ARMC9: variants seen among roughly 807,000 people sequenced by gnomAD.
ARMC9 encodes lisH domain-containing protein ARMC9.
A neutral mutation model predicts 107.0 loss-of-function variants in ARMC9; 94 were observed. The ratio of observed to expected loss-of-function variants is 0.88; its 90% CI spans 0.74 to 1.04. The LOEUF is 1.04. Among genes scored for constraint, ARMC9 ranks in the 50% least tolerant of loss-of-function variants. The pLI is 0.00. For missense variants in ARMC9, 942 were observed against 1,030.1 expected (o/e 0.91, Z 1.17); for synonymous variants, 380 against 396.9 (o/e 0.96, Z 0.51).
rs1315105820 is a variant in ARMC9, at chr2:231,276,757, C to G, written c.1456C>G (p.Leu486Val). 1 of 1,614,160 alleles carries G rather than the reference C, an allele frequency of 6.2e-7. No homozygotes were observed. Among genetic ancestry groups the G allele is most frequent in the Non-Finnish European group, 8.5e-7 (1 of 1,180,046 alleles). ...LEYSVALLMNLCLRSTGKNMC... is the reference protein window; with the variant it reads ...LEYSVALLMNVCLRSTGKNMC... Reference sequence around the variant, plus strand: ...GTACTCGGTGGCTTTGCTCATGAACCTCTGCCTCCGCAGCACAGGTCTCAG... The same window carrying G: ...GTACTCGGTGGCTTTGCTCATGAACGTCTGCCTCCGCAGCACAGGTCTCAG... The change falls in exon 15 of 25, where the codon CTC becomes GTC. Residue 486 changes from leucine to valine, a missense_variant. Coordinates refer to ENST00000611582, the MANE Select transcript of ARMC9 (RefSeq NM_001352754.2).
chr2:231,230,182 T>C (rs1309894807), intron 7 of ARMC9, among the ~76,000 whole-genome samples: 2 of 151,944 alleles, frequency 1.3e-5, no homozygotes, highest in Admixed American at 6.6e-5. Context: ...GCCAACATAG[T>C]GAGACCCTAT....
At chr2:231,286,308 G>A (rs1559407333) in intron 17 of ARMC9, among the ~76,000 whole-genome samples, 1 of 152,156 alleles carries the variant, frequency 6.6e-6, no homozygotes, top group Non-Finnish European at 1.5e-5. Flanking sequence ...TAGAGACGGG[G>A]TTTCACCGTG....
chr2:231,291,249 C>G lies in ARMC9; in HGVS notation c.1627-104C>G, dbSNP rs530779035. On this transcript the variant is annotated intron_variant, in intron 17 of 24. Coordinates refer to ENST00000611582, the MANE Select transcript of ARMC9 (RefSeq NM_001352754.2). Reference sequence around the variant, plus strand: ...CCCCCACCCAAGGTATCCTCTTCCTCTCCCCAAAACATTATTTTTTGGATT... The same window carrying G: ...CCCCCACCCAAGGTATCCTCTTCCTGTCCCCAAAACATTATTTTTTGGATT... The G allele has an allele frequency of 3.3e-5, 29 of 869,416 alleles. No homozygotes were observed. The African/African-American group carries it at 4.5e-4, about 13-fold the overall frequency. 53.9% of individuals were successfully genotyped at this position (869,416 alleles called of 1,614,324 possible).
At chr2:231,200,243 C>T (rs553105803) in intron 1 of ARMC9, among the ~76,000 whole-genome samples, 15 of 152,240 alleles carry the variant, frequency 9.9e-5, no homozygotes, top group Admixed American at 3.9e-4. Context: ...TCACTTTTCC[C>T]GTTCCAGGGC....
chr2:231,221,785 C>T (rs543241081), intron 5 of ARMC9, among the ~76,000 whole-genome samples: 3 of 146,994 alleles, frequency 2.0e-5, no homozygotes, highest in Non-Finnish European at 4.5e-5. Flanking sequence ...GAGCATAGAT[C>T]GAGCCACTGC....
chr2:231,360,856 A>G lies in ARMC9; in HGVS notation c.2234A>G (p.Gln745Arg). ...CCCCGCCAGCCAAGGGAGGCGCCCC[A>G]GGACCCAGGCAATGGAGTGACCACC... Reference protein sequence around the residue: ...GTPRQPREAPQDPGNGVTTRE... With the variant: ...GTPRQPREAPRDPGNGVTTRE... The change falls in exon 23 of 25, where the codon CAG (glutamine) becomes CGG (arginine). Residue 745 changes from glutamine (Q) to arginine (R), a missense_variant. By Grantham distance (43) the Gln-to-Arg change is conservative. Coordinates refer to ENST00000611582, the MANE Select transcript of ARMC9 (RefSeq NM_001352754.2). This position sits in a 1 kb window ranked among gnomAD's most constrained non-coding sequence, Gnocchi z 4.7. 6.5e-7 allele frequency: 1 copy of G among 1,535,078 alleles called. No individual in the cohort carries two copies. The highest frequency in any genetic ancestry group is 2.4e-5 in the East Asian group (1 of 40,918).
At chr2:231,333,270 C>T (rs1180344209) in intron 20 of ARMC9, among the ~76,000 whole-genome samples, 1 of 152,302 alleles carries the variant, frequency 6.6e-6, no homozygotes, top group South Asian at 2.1e-4. Flanking sequence ...TTTACAAGAG[C>T]TAGGACGCCA....
chr2:231,355,275 G>T (rs2045290624), intron 21 of ARMC9, among the ~76,000 whole-genome samples: 1 of 145,794 alleles, frequency 6.9e-6, no homozygotes, highest in Non-Finnish European at 1.5e-5. Context: ...GGAGGTCAAG[G>T]CTACAAGTGA....
chr2:231,298,864 G>A (rs911498422), intron 19 of ARMC9, among the ~76,000 whole-genome samples: 1 of 152,168 alleles, frequency 6.6e-6, no homozygotes, highest in Non-Finnish European at 1.5e-5. Flanking sequence ...AACCTGGGAG[G>A]CGGAGGCTGC....
chr2:231,221,806 G>A (rs2034157308), intron 5 of ARMC9, among the ~76,000 whole-genome samples: 1 of 141,772 alleles, frequency 7.1e-6, no homozygotes, highest in Non-Finnish European at 1.5e-5. Flanking sequence ...ACTCCAGCCT[G>A]GGTGACAAAG....
At chr2:231,234,228 G>T (rs1407574984) in intron 7 of ARMC9, among the ~76,000 whole-genome samples, 1 of 152,156 alleles carries the variant, frequency 6.6e-6, no homozygotes, top group Non-Finnish European at 1.5e-5. Context: ...AGGGAAGGTG[G>T]TATGGGCAAA....
chr2:231,210,789 T>C (rs2032722287), intron 3 of ARMC9, among the ~76,000 whole-genome samples: 1 of 152,234 alleles, frequency 6.6e-6, no homozygotes, highest in East Asian at 1.9e-4. Context: ...AAATGTATCA[T>C]GTTAACTATT....
chr2:231,227,245 T>G (rs1343446408), intron 7 of ARMC9, among the ~76,000 whole-genome samples: 1 of 152,240 alleles, frequency 6.6e-6, no homozygotes, highest in Non-Finnish European at 1.5e-5. Flanking sequence ...CAAGTAGGAA[T>G]TCCAGTCTTC....
At chr2:231,357,959 G>A (rs773045825) in intron 22 of ARMC9, among the ~76,000 whole-genome samples, 51 of 152,312 alleles carry the variant, frequency 3.3e-4, no homozygotes, top group Middle Eastern at 3.4e-3. Context: ...TCTGGGTCAT[G>A]AGTAAGCCTT....
intron 8 of ARMC9, 97 bp downstream of exon 8, chr2:231,235,478 TC>T: frequency 1.4e-6 from 2 of 1,413,600 alleles, no homozygotes; most frequent in Non-Finnish European, 1.9e-6. Context: ...CCTGCCTCTC[TC>T]CATTCCAAGC....
intron 17 of ARMC9, among the ~76,000 whole-genome samples, chr2:231,288,375 ATGT>A (rs1313499715): frequency 2.0e-5 from 3 of 152,146 alleles, no homozygotes; most frequent in South Asian, 2.1e-4. Flanking sequence ...TCTTTCTTTT[ATGT>A]TGTTTGCAAG....
intron 22 of ARMC9, among the ~76,000 whole-genome samples, chr2:231,357,634 C>T (rs2045397929): frequency 6.6e-6 from 1 of 152,162 alleles, no homozygotes; most frequent in South Asian, 2.1e-4. Flanking sequence ...GGCTGGAGTG[C>T]AGTGGCCAGT....
In ARMC9 at chr2:231,358,458, T is replaced by C. The variant is rs1269287184; in HGVS notation, c.2132-2296T>C. 6.6e-6 allele frequency among the ~76,000 whole-genome samples: 1 copy of C among 152,110 alleles called. No homozygotes were observed. Among genetic ancestry groups the C allele is most frequent in the Non-Finnish European group, 1.5e-5 (1 of 68,010 alleles). ...CTCAAGCGATCCTCCCGCCTCGGCC[T>C]CCCAAAGTGCTGGGATTACAGGCAT... On this transcript the variant is annotated intron_variant, in intron 22 of 24. Transcript: ENST00000611582. This position sits in a 1 kb window ranked among gnomAD's most constrained non-coding sequence, Gnocchi z 4.5.
Position 231,362,073 on chromosome 2 carries a change from A to C in ARMC9, c.2261+1190A>C, listed in dbSNP as rs2045610394. On this transcript the variant is annotated intron_variant, in intron 23 of 24. Transcript: ENST00000611582. The surrounding 1 kb of genome is among the most constrained non-coding windows in gnomAD (Gnocchi z 4.7). ...CTATCTTTAAGAAGCACGGGGTCAA[A>C]GGTGGCTGCATTACTGGGGGAGGGG... 6.6e-6 allele frequency among the ~76,000 whole-genome samples: 1 copy of C among 152,108 alleles called. No homozygotes were observed.
Sources: gnomAD v4.1 joint callset for allele counts (sites outside exome capture counted in the v4.1 genomes callset) on GRCh38, gnomAD v4.1.1 for gene constraint, Gnocchi (gnomAD v3.1) non-coding constraint, MANE v1.5 for transcripts, NCBI Gene and HGNC (gene_info 2026-07-23, HGNC 2026-07-21) for gene names.